AIG1: variants seen among roughly 807,000 people sequenced by gnomAD.
AIG1 encodes androgen-induced gene 1 protein.
Under a neutral mutation model 31.4 loss-of-function variants are expected in AIG1, and 23 were observed. That is an observed-to-expected ratio of 0.73 (90% CI 0.53 to 1.04). The LOEUF (loss-of-function observed/expected upper bound fraction) is 1.04, where lower values mean the gene tolerates loss of function less well. AIG1 is among the 50% of genes least tolerant of loss of function. The pLI is 0.00. For synonymous variants in AIG1, 100 were observed against 110.5 expected (o/e 0.90, Z 0.60); for missense variants, 274 against 295.0 (o/e 0.93, Z 0.52).
At chr6:143,248,072 G>A (rs1372485579) in intron 3 of AIG1, among the ~76,000 whole-genome samples, 1 of 152,168 alleles carries the variant, frequency 6.6e-6, no homozygotes, top group Non-Finnish European at 1.5e-5. Context: ...GTACTTGTTT[G>A]TGGTCTCCTG....
In AIG1 at chr6:143,330,168, A is replaced by G. The variant is rs1776956985; in HGVS notation, c.516-3114A>G. On this transcript the variant is annotated intron_variant, in intron 4 of 5. Coordinates refer to ENST00000357847, the MANE Select transcript of AIG1 (RefSeq NM_016108.4). The surrounding 1 kb of genome is among the most constrained non-coding windows in gnomAD (Gnocchi z 4.4). ...TGCCAGATACTGCTCCAAGAACCAC[A>G]GAATACAGCAATGAACATAATTGGA... 6.6e-6 allele frequency among the ~76,000 whole-genome samples: 1 copy of G among 152,242 alleles called. No homozygotes were observed. Among genetic ancestry groups the G allele is most frequent in the Admixed American group, 6.5e-5 (1 of 15,280 alleles).
chr6:143,154,325 A>C (rs767050546), intron 2 of AIG1, among the ~76,000 whole-genome samples: 4 of 152,158 alleles, frequency 2.6e-5, no homozygotes, highest in African/African-American at 4.8e-5. Context: ...GACTAAACGA[A>C]GTCAAGCCAG....
chr6:143,101,802 T>C (rs1012944897), intron 1 of AIG1, among the ~76,000 whole-genome samples: 1 of 152,008 alleles, frequency 6.6e-6, no homozygotes, highest in Non-Finnish European at 1.5e-5. Flanking sequence ...CCAAAACCAA[T>C]GGAAATAAGA....
At chr6:143,098,583 T>G (rs1779992584) in intron 1 of AIG1, among the ~76,000 whole-genome samples, 1 of 152,202 alleles carries the variant, frequency 6.6e-6, no homozygotes, top group Non-Finnish European at 1.5e-5. Flanking sequence ...CTGATGTTGG[T>G]CCCCCAAATT....
At chr6:143,131,614 C>A (rs996457662) in intron 1 of AIG1, among the ~76,000 whole-genome samples, 2 of 152,190 alleles carry the variant, frequency 1.3e-5, no homozygotes, top group African/African-American at 2.4e-5. Context: ...AGAACAGACA[C>A]AAGGAGCCGA....
intron 4 of AIG1, among the ~76,000 whole-genome samples, chr6:143,302,718 G>A (rs1426418527): frequency 6.6e-6 from 1 of 152,076 alleles, no homozygotes; most frequent in African/African-American, 2.4e-5. Flanking sequence ...AGCATGATTT[G>A]TAGTCCTTTG....
At chr6:143,064,859 A>T (rs1421216223) in intron 1 of AIG1, among the ~76,000 whole-genome samples, 1 of 152,222 alleles carries the variant, frequency 6.6e-6, no homozygotes, top group Non-Finnish European at 1.5e-5. Flanking sequence ...TGTGTGAGCA[A>T]TAAAGCTTTT....
intron 3 of AIG1, among the ~76,000 whole-genome samples, chr6:143,217,175 T>C (rs186851825): frequency 2.5e-4 from 38 of 152,364 alleles, no homozygotes; most frequent in African/African-American, 8.7e-4. Context: ...TGCTGGCATT[T>C]TACCAGCCTG....
At chr6:143,191,675 G>A (rs1789802299) in intron 3 of AIG1, among the ~76,000 whole-genome samples, 1 of 152,058 alleles carries the variant, frequency 6.6e-6, no homozygotes, top group Non-Finnish European at 1.5e-5. Context: ...GGGAAAGAAA[G>A]GAAGGGTGGG....
chr6:143,314,314 A>G (rs1287233761), intron 4 of AIG1, among the ~76,000 whole-genome samples: 1 of 151,816 alleles, frequency 6.6e-6, no homozygotes, highest in Non-Finnish European at 1.5e-5. Flanking sequence ...TGATCCTACT[A>G]CTACACTCCA....
At chr6:143,106,461 T>C (rs1227740542) in intron 1 of AIG1, among the ~76,000 whole-genome samples, 3 of 152,232 alleles carry the variant, frequency 2.0e-5, no homozygotes, top group Non-Finnish European at 4.4e-5. Flanking sequence ...CTTGGCTGTC[T>C]CTTCTAGGGC....
At chr6:143,132,098 A>C (rs1232893208) in intron 1 of AIG1, among the ~76,000 whole-genome samples, 1 of 152,178 alleles carries the variant, frequency 6.6e-6, no homozygotes, top group Admixed American at 6.5e-5. Flanking sequence ...TTACTTCTAA[A>C]TATTCTTAAA....
chr6:143,203,599 A>G (rs952748103), intron 3 of AIG1, among the ~76,000 whole-genome samples: 2 of 152,154 alleles, frequency 1.3e-5, no homozygotes, highest in African/African-American at 4.8e-5. Flanking sequence ...AGGCTTCTCT[A>G]TGTACTTAGG....
chr6:143,165,195 A>G lies in AIG1; in HGVS notation c.399+12A>G. 6.3e-7 allele frequency: 1 copy of G among 1,581,104 alleles called. No individual in the cohort carries two copies. The highest frequency in any genetic ancestry group is 8.7e-7 in the Non-Finnish European group (1 of 1,150,766). The stretch of plus-strand genomic sequence containing the variant: ...TGAATCACGGAATGGTGAGTGGATT[A>G]AAACAAACGGCTTTCTTTTATTTTA... On this transcript the variant is annotated intron_variant, in intron 3 of 5. Transcript: ENST00000357847.
intron 1 of AIG1, among the ~76,000 whole-genome samples, chr6:143,102,730 T>C (rs775227864): frequency 3.3e-5 from 5 of 151,872 alleles, no homozygotes; most frequent in Admixed American, 2.0e-4. Context: ...TTTGTTTTGG[T>C]TAACAGATAA....
intron 1 of AIG1, among the ~76,000 whole-genome samples, chr6:143,136,271 AT>A (rs1289808579): frequency 6.6e-6 from 1 of 152,128 alleles, no homozygotes. Context: ...CATTCAGTCG[AT>A]TTTTTTATGA....
Position 143,297,328 on chromosome 6 carries a change from GCCC to G in AIG1, c.515+13104_515+13106del, listed in dbSNP as rs1316704691. ...GTGCACCTGGACCCATTGACATTTT[GCCC>G]TCCTCCTGTCACTGCAATATATATT... On this transcript the variant is annotated intron_variant, in intron 4 of 5. Coordinates refer to ENST00000357847, the MANE Select transcript of AIG1 (RefSeq NM_016108.4). The surrounding 1 kb of genome is among the most constrained non-coding windows in gnomAD (Gnocchi z 5.1). Among the ~76,000 whole-genome samples, 4 of 152,192 alleles carry G rather than the reference GCCC, an allele frequency of 2.6e-5. No individual in the cohort carries two copies. Among genetic ancestry groups the G allele is most frequent in the African/African-American group, 9.6e-5 (4 of 41,462 alleles).
chr6:143,210,183 A>G (rs979530043), intron 3 of AIG1, among the ~76,000 whole-genome samples: 82 of 152,342 alleles, frequency 5.4e-4, no homozygotes, highest in African/African-American at 2.0e-3. Context: ...TCCTGCCACC[A>G]TGTGAAGAAG....
intron 3 of AIG1, among the ~76,000 whole-genome samples, chr6:143,183,607 C>T (rs749724367): frequency 1.3e-5 from 2 of 152,120 alleles, no homozygotes; most frequent in African/African-American, 4.8e-5. Flanking sequence ...GTACTCTGCC[C>T]TTGTTGTTGC....
Sources: gnomAD v4.1 joint callset for allele counts (sites outside exome capture counted in the v4.1 genomes callset) on GRCh38, gnomAD v4.1.1 for gene constraint, Gnocchi (gnomAD v3.1) non-coding constraint, MANE v1.5 for transcripts, NCBI Gene and HGNC (gene_info 2026-07-23, HGNC 2026-07-21) for gene names.